CDH18: variants seen among roughly 807,000 people sequenced by gnomAD.
CDH18 encodes the protein cadherin 18, also known as cadherin-18.
In CDH18, 31 loss-of-function variants were observed where a neutral mutation model predicts 67.9. The observed-to-expected ratio is 0.46, with a 90% CI of 0.34 to 0.62. The LOEUF is 0.62. CDH18 is among the 20% of genes least tolerant of loss of function. The pLI is 0.01. For synonymous variants in CDH18, 362 were observed against 347.2 expected (o/e 1.04, Z -0.48); for missense variants, 890 against 975.5 (o/e 0.91, Z 1.17).
At chr5:20,571,072 T>C (rs1400287874) in intron 1 of CDH18, among the ~76,000 whole-genome samples, 1 of 152,176 alleles carries the variant, frequency 6.6e-6, no homozygotes, top group Non-Finnish European at 1.5e-5. Context: ...CAACCTATTA[T>C]ATTAAAAATT....
At chr5:19,966,966 C>G (rs926644004) in intron 2 of CDH18, among the ~76,000 whole-genome samples, 2 of 151,522 alleles carry the variant, frequency 1.3e-5, no homozygotes, top group African/African-American at 4.8e-5. Context: ...AATACCAAAC[C>G]CATTAATTAA....
intron 2 of CDH18, among the ~76,000 whole-genome samples, chr5:20,233,055 A>G (rs888946013): frequency 1.3e-5 from 2 of 151,856 alleles, no homozygotes; most frequent in African/African-American, 4.8e-5. Context: ...TAATATATAC[A>G]GCTTTCTTCT....
chr5:19,730,742 C>T (rs2150631674), intron 4 of CDH18, among the ~76,000 whole-genome samples: 1 of 142,524 alleles, frequency 7.0e-6, no homozygotes, highest in East Asian at 2.1e-4. Context: ...GCTAAACAAT[C>T]ATTTTCACAC....
intron 1 of CDH18, among the ~76,000 whole-genome samples, chr5:20,409,765 A>G (rs1257167513): frequency 3.3e-5 from 5 of 151,708 alleles, no homozygotes; most frequent in Admixed American, 2.6e-4. Flanking sequence ...ACTAACTAAG[A>G]ATAAAAAAGA....
chr5:20,089,091 TA>T (rs1256747115), intron 2 of CDH18, among the ~76,000 whole-genome samples: 2 of 152,136 alleles, frequency 1.3e-5, no homozygotes, highest in African/African-American at 4.8e-5. Flanking sequence ...TAGAATCCTT[TA>T]AAAAGATCTT....
At chr5:20,010,650 ACTTTT>A (rs1197397085) in intron 2 of CDH18, among the ~76,000 whole-genome samples, 3 of 152,106 alleles carry the variant, frequency 2.0e-5, no homozygotes, top group African/African-American at 7.2e-5. Context: ...CATTAACCAT[ACTTTT>A]CTTAAGTTCT....
At chr5:19,823,064 C>T (rs1780044333) in intron 3 of CDH18, among the ~76,000 whole-genome samples, 1 of 152,174 alleles carries the variant, frequency 6.6e-6, no homozygotes, top group Non-Finnish European at 1.5e-5. Flanking sequence ...AGAAATATGG[C>T]TCTGTTCCGC....
At chr5:19,686,355 G>A (rs565169147) in intron 5 of CDH18, among the ~76,000 whole-genome samples, 28 of 152,028 alleles carry the variant, frequency 1.8e-4, no homozygotes, top group Non-Finnish European at 2.8e-4. Context: ...ACCTTACCTT[G>A]CAAAAACCTG....
In CDH18 at chr5:20,282,644, C is replaced by T. The variant is rs558620336; in HGVS notation, c.-579-27139G>A. Among the ~76,000 whole-genome samples, 10 of 152,102 alleles carry T rather than the reference C, an allele frequency of 6.6e-5. No homozygotes were observed. In the East Asian group the frequency reaches 1.4e-3, roughly 21 times the overall value. Reference sequence around the variant, plus strand: ...TATTTTATTGAGGATATTTTTGCATCGATGTTCATCAGGGATATTGGTCTA... The same window carrying T: ...TATTTTATTGAGGATATTTTTGCATTGATGTTCATCAGGGATATTGGTCTA... On this transcript the variant is annotated intron_variant, in intron 1 of 14. Coordinates refer to the CDH18 transcript ENST00000507958.
intron 8 of CDH18, among the ~76,000 whole-genome samples, chr5:19,568,065 CCAGT>C (rs1187828388): frequency 6.6e-6 from 1 of 152,138 alleles, no homozygotes; most frequent in Non-Finnish European, 1.5e-5. Context: ...TACCAATTTG[CCAGT>C]CAGTTTGTTT....
At chr5:20,192,983 G>A (rs1185844503) in intron 2 of CDH18, among the ~76,000 whole-genome samples, 1 of 151,986 alleles carries the variant, frequency 6.6e-6, no homozygotes, top group Non-Finnish European at 1.5e-5. Flanking sequence ...TATCCATGAG[G>A]ATGGAATGTT....
At chr5:20,383,691 A>G (rs959895166) in intron 1 of CDH18, among the ~76,000 whole-genome samples, 2 of 152,282 alleles carry the variant, frequency 1.3e-5, no homozygotes, top group African/African-American at 4.8e-5. Context: ...CTTTTTGGAT[A>G]CATATTTTCT....
chr5:19,745,264 A>G (rs952074931), intron 4 of CDH18, among the ~76,000 whole-genome samples: 29 of 152,208 alleles, frequency 1.9e-4, no homozygotes, highest in African/African-American at 6.3e-4. Context: ...ATTTGTTTAA[A>G]GCAAAAGGCT....
intron 1 of CDH18, among the ~76,000 whole-genome samples, chr5:20,446,384 A>G (rs905790166): frequency 6.6e-6 from 1 of 152,020 alleles, no homozygotes; most frequent in African/African-American, 2.4e-5. Context: ...TGCTAGTGTC[A>G]ATCTAACTAC....
At chr5:20,438,927 A>C (rs956242847) in intron 1 of CDH18, among the ~76,000 whole-genome samples, 2 of 151,604 alleles carry the variant, frequency 1.3e-5, no homozygotes, top group Non-Finnish European at 2.9e-5. Context: ...TAAAATGAAA[A>C]TAGTGAAATA....
intron 2 of CDH18, among the ~76,000 whole-genome samples, chr5:19,994,272 T>C (rs1185371727): frequency 2.7e-5 from 4 of 148,264 alleles, no homozygotes; most frequent in Non-Finnish European, 4.5e-5. Context: ...CATATATGTA[T>C]ACATATATAC....
At chr5:19,687,754 G>C (rs1761313001) in intron 5 of CDH18, among the ~76,000 whole-genome samples, 1 of 152,206 alleles carries the variant, frequency 6.6e-6, no homozygotes, top group Non-Finnish European at 1.5e-5. Context: ...GATACTTGTG[G>C]CTTCCGCCAC....
intron 1 of CDH18, among the ~76,000 whole-genome samples, chr5:20,345,971 A>G (rs1158522435): frequency 6.6e-6 from 1 of 152,204 alleles, no homozygotes; most frequent in African/African-American, 2.4e-5. Context: ...TACCATCAGG[A>G]GTACCTCTTG....
intron 2 of CDH18, among the ~76,000 whole-genome samples, chr5:19,951,373 C>G (rs550827386): frequency 6.6e-6 from 1 of 152,250 alleles, no homozygotes; most frequent in Admixed American, 6.5e-5. Context: ...GGACGGTTAT[C>G]TAACAAGCTT....
Sources: allele counts gnomAD v4.1 joint callset (sites outside exome capture counted in the v4.1 genomes callset), GRCh38; gene constraint gnomAD v4.1.1; transcripts MANE v1.5; gene names NCBI Gene and HGNC (gene_info 2026-07-23, HGNC 2026-07-21).